The following BDNF variants were observed in gnomAD, a reference collection of about 807,000 sequenced individuals.
BDNF encodes the protein brain derived neurotrophic factor.
In BDNF, 1 loss-of-function variant was observed where a neutral mutation model predicts 19.5. The observed-to-expected ratio is 0.05, with a 90% CI of 0.02 to 0.24. The LOEUF is 0.24. BDNF is among the 10% of genes least tolerant of loss of function. The pLI is 1.00. For synonymous variants in BDNF, 100 were observed against 121.6 expected, an observed-to-expected ratio of 0.82 and a Z score of 1.17; for missense variants, 195 against 317.6, an observed-to-expected ratio of 0.61 and a Z score of 2.93.
chr11:27,720,209 C>T (rs1048152515), intron 1 of BDNF: 1 of 538,842 alleles, frequency 1.9e-6, no homozygotes, highest in African/African-American at 2.1e-5. Context: ...GCAATTCAAA[C>T]TGGGCAAATA....
At chr11:27,670,024 G>A (rs1411860717) in intron 1 of BDNF, among the ~76,000 whole-genome samples, 1 of 152,166 alleles carries the variant, frequency 6.6e-6, no homozygotes, top group Non-Finnish European at 1.5e-5. Context: ...CAAGGCTACA[G>A]TAACCAAAAC....
At position 27,657,634 on chromosome 11, in the gene BDNF, T is replaced by C; in HGVS notation, c.*187A>G. ...ACTTTTTAAGTTGTGCGCAAATGAC[T>C]GTTTCCCTTCTGGTCATGGACATGT... On this transcript the variant is annotated 3_prime_UTR_variant, in exon 2 of 2. Coordinates refer to ENST00000356660, the MANE Select transcript of BDNF (RefSeq NM_001709.5). This position sits in a 1 kb window ranked among gnomAD's most constrained non-coding sequence, Gnocchi z 5.0. 1.4e-6 allele frequency: 2 copies of C among 1,411,442 alleles called. No homozygotes were observed. Among genetic ancestry groups the C allele is most frequent in the Non-Finnish European group, 1.8e-6 (2 of 1,088,504 alleles). The allele number at this position is 1,411,442 out of a possible 1,614,324, so 87.4% of individuals were successfully genotyped here.
At chr11:27,700,956 G>C (rs761704619), upstream of BDNF, 2 of 1,357,302 alleles carry the variant, frequency 1.5e-6, no homozygotes, top group Non-Finnish European at 9.8e-7. Flanking sequence ...TGCGTTTCCC[G>C]GGCCACAGAC....
chr11:27,676,472 T>G (rs1267327748), intron 1 of BDNF, among the ~76,000 whole-genome samples: 1 of 152,086 alleles, frequency 6.6e-6, no homozygotes, highest in Non-Finnish European at 1.5e-5. Context: ...ACCTTTCTAA[T>G]GAGAATGGTA....
chr11:27,700,969 A>G, upstream of BDNF: 1 of 1,359,850 alleles, frequency 7.4e-7, no homozygotes, highest in East Asian at 4.6e-5. Flanking sequence ...CCACAGACAC[A>G]CCTTCCCGCA....
chr11:27,684,982 T>C (rs1857297245), intron 1 of BDNF, among the ~76,000 whole-genome samples: 1 of 152,224 alleles, frequency 6.6e-6, no homozygotes, highest in South Asian at 2.1e-4. Context: ...TGGTACCAGC[T>C]CTTCTTTGTA....
upstream of BDNF, among the ~76,000 whole-genome samples, chr11:27,703,335 C>T (rs1369568485): frequency 6.6e-6 from 1 of 152,090 alleles, no homozygotes; most frequent in African/African-American, 2.4e-5. Flanking sequence ...CTGGAGGAAC[C>T]CTACTCCAAA....
chr11:27,713,728 T>C (rs768546030), intron 1 of BDNF, among the ~76,000 whole-genome samples: 6 of 152,178 alleles, frequency 3.9e-5, no homozygotes, highest in Non-Finnish European at 7.3e-5. Context: ...TTTCCCAGGT[T>C]GCGAAGATTT....
upstream of BDNF, among the ~76,000 whole-genome samples, chr11:27,703,590 G>C (rs1485099683): frequency 6.6e-6 from 1 of 152,196 alleles, no homozygotes; most frequent in Non-Finnish European, 1.5e-5. Flanking sequence ...TCATTTCCCA[G>C]ACTCTGATTG....
At chr11:27,669,222 A>C (rs1854904705) in intron 1 of BDNF, among the ~76,000 whole-genome samples, 1 of 152,188 alleles carries the variant, frequency 6.6e-6, no homozygotes. Flanking sequence ...TGTGCTAAAA[A>C]CTCTAAATAA....
intron 1 of BDNF, among the ~76,000 whole-genome samples, chr11:27,694,775 C>T (rs541786637): frequency 6.6e-6 from 1 of 152,130 alleles, no homozygotes; most frequent in African/African-American, 2.4e-5. Flanking sequence ...AAAGGTAGAT[C>T]ATAAATCGAA....
intron 1 of BDNF, among the ~76,000 whole-genome samples, chr11:27,676,711 TTGAG>T (rs1410235483): frequency 3.3e-5 from 5 of 152,236 alleles, no homozygotes; most frequent in African/African-American, 4.8e-5. Flanking sequence ...ATTACAAATG[TTGAG>T]TAAGTGTAAA....
chr11:27,716,011 A>G (rs191772411), intron 1 of BDNF, among the ~76,000 whole-genome samples: 37 of 152,340 alleles, frequency 2.4e-4, no homozygotes, highest in Non-Finnish European at 4.6e-4. Flanking sequence ...TTAAAAAGTC[A>G]GAATGAATAC....
chr11:27,721,862 TA>T (rs34578636), exon 1 of BDNF: 63,703 of 169,084 alleles, frequency 0.38, 12,976 homozygotes, highest in Middle Eastern at 0.53. Flanking sequence ...GGTACCCCTG[TA>T]AAAAAAAAAA....
chr11:27,701,195 TC>T (rs1366725296), upstream of BDNF: 7 of 1,186,510 alleles, frequency 5.9e-6, no homozygotes, highest in African/African-American at 6.3e-5. Flanking sequence ...AGTTACTTGT[TC>T]CAGCCAGGAA....
chr11:27,674,745 T>C (rs1855861220), intron 1 of BDNF: 1 of 982,170 alleles, frequency 1.0e-6, no homozygotes, highest in Admixed American at 6.2e-5. Flanking sequence ...CTGATTCCTA[T>C]AGAAGACATG....
chr11:27,676,079 A>G (rs1191031817), intron 1 of BDNF: 1 of 152,238 alleles, frequency 6.6e-6, no homozygotes, highest in Non-Finnish European at 1.5e-5. Context: ...ACACTTTTAG[A>G]GGAGCAGCTG....
intron 1 of BDNF, among the ~76,000 whole-genome samples, chr11:27,660,792 TA>T (rs1853338875): frequency 6.6e-6 from 1 of 151,726 alleles, no homozygotes; most frequent in Non-Finnish European, 1.5e-5. Context: ...AAAAAAGAAT[TA>T]ATGAACTATA....
Position 27,658,810 on chromosome 11 carries a change from G to A in BDNF, c.-21-225C>T. 1 of 1,423,418 alleles carries A rather than the reference G, an allele frequency of 7.0e-7. No homozygotes were observed. The highest frequency in any genetic ancestry group is 9.2e-7 in the Non-Finnish European group (1 of 1,085,370). The allele number at this position is 1,423,418 out of a possible 1,614,324, so 88.2% of individuals were successfully genotyped here. On this transcript the variant is annotated intron_variant, in intron 1 of 1. Coordinates refer to ENST00000356660, the MANE Select transcript of BDNF (RefSeq NM_001709.5). The surrounding 1 kb of genome is among the most constrained non-coding windows in gnomAD (Gnocchi z 5.7). ...CATGCAGTGTTTCCCCCAAGATCTA[G>A]CATATAAACCTGAGATTAGATGGCT...
Sources: gnomAD v4.1 joint callset for allele counts (sites outside exome capture counted in the v4.1 genomes callset) on GRCh38, gnomAD v4.1.1 for gene constraint, Gnocchi (gnomAD v3.1) non-coding constraint, MANE v1.5 for transcripts, NCBI Gene and HGNC (gene_info 2026-07-23, HGNC 2026-07-21) for gene names.